SLIT1: variants seen among roughly 807,000 people sequenced by gnomAD.
SLIT1 encodes slit guidance ligand 1.
Under a neutral mutation model 186.1 loss-of-function variants are expected in SLIT1, and 66 were observed. The observed-to-expected ratio is 0.35, with a 90% CI of 0.29 to 0.44. The LOEUF (loss-of-function observed/expected upper bound fraction) is 0.44. SLIT1 is among the 20% of genes least tolerant of loss of function. SLIT1 has a pLI of 1.00. For synonymous variants in SLIT1, 761 were observed against 833.8 expected (o/e 0.91, Z 1.50); for missense variants, 1,638 against 2,037.4 (o/e 0.80, Z 3.77).
At position 97,046,679 on chromosome 10, in the gene SLIT1, G is replaced by A. The variant is rs776229210; in HGVS notation, c.1828C>T (p.Arg610Trp). The A allele has an allele frequency of 2.4e-5, 38 of 1,610,000 alleles. No individual in the cohort carries two copies. The highest frequency in any genetic ancestry group is 7.7e-5 in the South Asian group (7 of 91,056). Reference protein sequence around the residue: ...QLESIRSGMFRGLDGLRTLML... With the variant: ...QLESIRSGMFWGLDGLRTLML... ...AGGGTCCTCAAGCCATCCAGACCCC[G>A]GAACATGCCGCTCCGGATGGACTCC... The change falls in exon 18 of 37, where the codon CGG becomes TGG. Residue 610 changes from arginine to tryptophan, a missense_variant. Around this residue, in one of 3 missense-constraint regions of SLIT1, gnomAD observed 1,245 missense variants for 1,535.3 expected, o/e 0.81. Coordinates refer to ENST00000266058, the MANE Select transcript of SLIT1 (RefSeq NM_003061.3).
chr10:97,091,894 G>A (rs1320522648), intron 4 of SLIT1, among the ~76,000 whole-genome samples: 1 of 152,214 alleles, frequency 6.6e-6, no homozygotes, highest in South Asian at 2.1e-4. Context: ...TCTTTTACAG[G>A]CCAGAACTAA....
chr10:97,012,286 G>A (rs556823880), intron 30 of SLIT1, among the ~76,000 whole-genome samples: 8 of 152,216 alleles, frequency 5.3e-5, no homozygotes, highest in Admixed American at 5.2e-4. Context: ...ATTGATCACA[G>A]TCTACTAATG....
chr10:97,080,713 C>T (rs1042718511), intron 4 of SLIT1, among the ~76,000 whole-genome samples: 1 of 152,236 alleles, frequency 6.6e-6, no homozygotes, highest in African/African-American at 2.4e-5. Flanking sequence ...AAAATGCAAA[C>T]CAGTCAACTC....
At chr10:97,092,335 T>G (rs1849240527) in intron 4 of SLIT1, among the ~76,000 whole-genome samples, 1 of 152,212 alleles carries the variant, frequency 6.6e-6, no homozygotes, top group South Asian at 2.1e-4. Context: ...ATGAATTAAC[T>G]GGGAAGAGAC....
chr10:97,056,431 C>T lies in SLIT1; in HGVS notation c.1191G>A (p.Arg397=). ...TCTGCAGGTCCTGGAAGGCATCGGGCCGGATGCAGTTGATCTTGTTGGCAT... is the reference window on the plus strand; with the variant it reads ...TCTGCAGGTCCTGGAAGGCATCGGGTCGGATGCAGTTGATCTTGTTGGCAT... ...LLNANKINCI[R]PDAFQDLQNL... Residue 397 remains arginine, a synonymous_variant, in exon 13 of 37, where the codon CGG becomes CGA. Transcript: ENST00000266058. 1 of 1,614,164 alleles carries T rather than the reference C, an allele frequency of 6.2e-7. No individual in the cohort carries two copies. Among genetic ancestry groups the T allele is most frequent in the African/African-American group, 1.3e-5 (1 of 75,038 alleles).
At chr10:97,014,222 G>A in intron 28 of SLIT1, 64 bp from the exon 29 acceptor site, 1 of 1,562,188 alleles carries the variant, frequency 6.4e-7, no homozygotes, top group Admixed American at 1.7e-5. Context: ...GCCTGTGGCT[G>A]CCGGTTAATA....
intron 11 of SLIT1, among the ~76,000 whole-genome samples, chr10:97,058,517 AC>A (rs2134635217): frequency 6.6e-6 from 1 of 152,310 alleles, no homozygotes; most frequent in South Asian, 2.1e-4. Flanking sequence ...ACGATCCCTC[AC>A]CAGGCTATCA....
intron 20 of SLIT1, among the ~76,000 whole-genome samples, chr10:97,042,244 C>T (rs1848696586): frequency 6.6e-6 from 1 of 152,006 alleles, no homozygotes. Flanking sequence ...AAGGGAGGCA[C>T]CTTAGCACCC....
intron 1 of SLIT1, among the ~76,000 whole-genome samples, chr10:97,176,634 G>A (rs1589423329): frequency 6.6e-6 from 1 of 152,214 alleles, no homozygotes; most frequent in East Asian, 1.9e-4. Flanking sequence ...CCCCGATCTC[G>A]AGTTCCAGAA....
At position 97,129,006 on chromosome 10, in the gene SLIT1, G is replaced by C. The variant is rs1346705583; in HGVS notation, c.413+28812C>G. Among the ~76,000 whole-genome samples, 6 of 152,242 alleles carry C rather than the reference G, an allele frequency of 3.9e-5. No homozygotes were observed. The East Asian group carries it at 9.6e-4, about 24-fold the overall frequency. On this transcript the variant is annotated intron_variant, in intron 4 of 36. Transcript: ENST00000266058. ...TGGTAGAGGAGCAAATCCAAAGTGA[G>C]GCTCGGACTGAATCCATTCAGTCCC...
intron 4 of SLIT1, among the ~76,000 whole-genome samples, chr10:97,132,410 A>C (rs1255190787): frequency 1.3e-5 from 2 of 152,170 alleles, no homozygotes; most frequent in African/African-American, 4.8e-5. Flanking sequence ...GATGTCTGAG[A>C]GTCCTCTTGG....
At chr10:97,098,965 G>A (rs995762009) in intron 4 of SLIT1, among the ~76,000 whole-genome samples, 11 of 152,162 alleles carry the variant, frequency 7.2e-5, no homozygotes, top group African/African-American at 2.2e-4. Flanking sequence ...CCAGTTTCCT[G>A]AGCAATAAAG....
chr10:97,166,348 C>G (rs1850105798), intron 1 of SLIT1, among the ~76,000 whole-genome samples: 1 of 151,462 alleles, frequency 6.6e-6, no homozygotes, highest in South Asian at 2.1e-4. Flanking sequence ...AACCCCGTCT[C>G]TACTAAAAAT....
chr10:97,087,622 G>C (rs1237346367), intron 4 of SLIT1, among the ~76,000 whole-genome samples: 1 of 152,070 alleles, frequency 6.6e-6, no homozygotes, highest in Non-Finnish European at 1.5e-5. Context: ...GCACACAAAG[G>C]CTCGCCTCAA....
At chr10:97,095,716 T>G (rs1849281279) in intron 4 of SLIT1, among the ~76,000 whole-genome samples, 1 of 152,180 alleles carries the variant, frequency 6.6e-6, no homozygotes, top group African/African-American at 2.4e-5. Context: ...ACGGACATCA[T>G]GTGGATGGAA....
At chr10:97,037,424 T>C (rs2134616754) in intron 22 of SLIT1, among the ~76,000 whole-genome samples, 1 of 152,064 alleles carries the variant, frequency 6.6e-6, no homozygotes, top group African/African-American at 2.4e-5. Context: ...CTTTTAACAG[T>C]CACGACCAGC....
intron 2 of SLIT1, among the ~76,000 whole-genome samples, chr10:97,164,287 G>T (rs868856333): frequency 6.6e-6 from 1 of 152,234 alleles, no homozygotes; most frequent in Admixed American, 6.5e-5. Context: ...CAGGGCAGGG[G>T]GGGGAACCGC....
intron 2 of SLIT1, among the ~76,000 whole-genome samples, chr10:97,163,963 C>T (rs1850067381): frequency 6.6e-6 from 1 of 152,208 alleles, no homozygotes; most frequent in African/African-American, 2.4e-5. Flanking sequence ...GGCAGCAACA[C>T]ACTCTACAAT....
At chr10:97,105,725 G>A (rs530732722) in intron 4 of SLIT1, among the ~76,000 whole-genome samples, 1 of 152,346 alleles carries the variant, frequency 6.6e-6, no homozygotes, top group Non-Finnish European at 1.5e-5. Flanking sequence ...GGAACTTGAG[G>A]TGAAAATGGG....
Sources: allele counts gnomAD v4.1 joint callset (sites outside exome capture counted in the v4.1 genomes callset), GRCh38; gene constraint gnomAD v4.1.1; regional missense constraint gnomAD v4.1.1; transcripts MANE v1.5; gene names NCBI Gene and HGNC (gene_info 2026-07-23, HGNC 2026-07-21).